FBXL3: variants seen among roughly 807,000 people sequenced by gnomAD.
FBXL3 encodes the protein F-box/LRR-repeat protein 3.
In FBXL3, 14 loss-of-function variants were observed where a neutral mutation model predicts 37.9. That is an observed-to-expected ratio of 0.37 (90% CI 0.24 to 0.58). FBXL3 has a LOEUF of 0.58. Among genes scored for constraint, FBXL3 ranks in the 20% least tolerant of loss-of-function variants. The pLI is 0.74. For synonymous variants in FBXL3, 194 were observed against 180.1 expected (o/e 1.08, Z -0.62); for missense variants, 327 against 511.1 (o/e 0.64, Z 3.47).
At chr13:77,019,407 G>C (rs1291172898) in intron 2 of FBXL3, among the ~76,000 whole-genome samples, 1 of 152,166 alleles carries the variant, frequency 6.6e-6, no homozygotes, top group African/African-American at 2.4e-5. Context: ...TGTTTCCTGG[G>C]AAGCACCTTA....
At chr13:77,026,723 G>GCC (rs1381622986) in intron 1 of FBXL3, 104 bp downstream of exon 1, 1 of 12,346 alleles carries the variant, frequency 8.1e-5, no homozygotes, top group South Asian at 2.5e-3. Flanking sequence ...CGGCCCCCGC[G>GCC]CCCCCCCCCA....
chr13:77,015,273 T>G (rs1215392510), intron 4 of FBXL3, 136 bp downstream of exon 4: 2 of 531,498 alleles, frequency 3.8e-6, no homozygotes, highest in South Asian at 5.2e-5. Context: ...TGCTATTCTA[T>G]TACTACATTA....
In FBXL3 at chr13:77,018,518, T is replaced by A. The variant is rs1042268387; in HGVS notation, c.471+82A>T. 4.3e-6 allele frequency: 5 copies of A among 1,165,958 alleles called. No individual in the cohort carries two copies. The Admixed American group carries it at 1.1e-4, about 27-fold the overall frequency. The allele number at this position is 1,165,958 out of a possible 1,614,324, so 72.2% of individuals were successfully genotyped here. ...TGTATATATATAACTTTCCTTATACTCACACTGTCAATACAAAAAAAAAAG... is the reference window on the plus strand; with the variant it reads ...TGTATATATATAACTTTCCTTATACACACACTGTCAATACAAAAAAAAAAG... On this transcript the variant is annotated intron_variant, in intron 3 of 4. Coordinates refer to ENST00000355619, the MANE Select transcript of FBXL3 (RefSeq NM_012158.4).
chr13:77,021,823 G>A lies in FBXL3; in HGVS notation c.38C>T (p.Ser13Leu). 1 of 1,613,124 alleles carries A rather than the reference G, an allele frequency of 6.2e-7. No homozygotes were observed. Among genetic ancestry groups the A allele is most frequent in the Non-Finnish European group, 8.5e-7 (1 of 1,179,848 alleles). ...RGGRDSDRNS[S>L]EEGTAEKSKK... ...GGATTTCTCTGCAGTTCCTTCTTCT[G>A]ATGAATTACGGTCACTATCTCTTCC... is the stretch of plus-strand genomic sequence containing the variant. The change falls in exon 2 of 5, where the codon TCA becomes TTA. Residue 13 changes from serine to leucine, a missense_variant. Transcript: ENST00000355619.
chr13:77,009,478 C>A (rs189040228), intron 4 of FBXL3: 1 of 152,326 alleles, frequency 6.6e-6, no homozygotes, highest in Non-Finnish European at 1.5e-5. Context: ...CAGGCACACG[C>A]CACCACGCCC....
At chr13:77,026,417 A>T (rs2034839422) in intron 1 of FBXL3, 5 of 967,080 alleles carry the variant, frequency 5.2e-6, no homozygotes, top group South Asian at 9.6e-5. Context: ...TCAGTGCCTC[A>T]TTGCTCAAGC....
chr13:77,024,395 C>G (rs1183281352), intron 1 of FBXL3, among the ~76,000 whole-genome samples: 1 of 152,134 alleles, frequency 6.6e-6, no homozygotes, highest in Admixed American at 6.5e-5. Context: ...AAAAGAATGA[C>G]AGTCTTTGCA....
intron 4 of FBXL3, chr13:77,010,026 TC>T (rs1290287320): frequency 6.6e-6 from 1 of 152,256 alleles, no homozygotes; most frequent in Non-Finnish European, 1.5e-5. Flanking sequence ...CACCGCATGT[TC>T]TCACTCATAA....
In FBXL3 at chr13:77,006,435, G is replaced by A. The variant is rs1424588123; in HGVS notation, c.*710C>T. ...ACATACATAATAACATATCACAAAA[G>A]AATGTATATGGTTTAGCAGATTACA... On this transcript the variant is annotated 3_prime_UTR_variant, in exon 5 of 5. Transcript: ENST00000355619. The A allele has an allele frequency of 1.3e-5, 2 of 152,040 alleles. No homozygotes were observed. Among genetic ancestry groups the A allele is most frequent in the Admixed American group, 6.5e-5 (1 of 15,268 alleles). The allele number at this position is 152,040 out of a possible 1,614,324, so 9.4% of individuals were successfully genotyped here.
Position 77,006,098 on chromosome 13 carries a change from A to AT in FBXL3, c.*1046dup, listed in dbSNP as rs2034447967. ...TGAACTTAAATATGTCCTCTTTAAA[A>AT]TTTGCTGTTTATGCTAGACTGTACA... is the stretch of plus-strand genomic sequence containing the variant. On this transcript the variant is annotated 3_prime_UTR_variant, in exon 5 of 5. Transcript: ENST00000355619. 6.6e-6 allele frequency: 1 copy of AT among 152,514 alleles called. No homozygotes were observed. Among genetic ancestry groups the AT allele is most frequent in the African/African-American group, 2.4e-5 (1 of 41,442 alleles). 9.4% of individuals were successfully genotyped at this position (152,514 alleles called of 1,614,324 possible). A position where few individuals can be genotyped will look rare whatever the true frequency, so the allele number is the denominator to read the frequency against.
chr13:77,021,641 C>T lies in FBXL3; in HGVS notation c.220G>A (p.Asp74Asn). The change falls in exon 2 of 5, where the codon GAC (aspartate) becomes AAC (asparagine). Residue 74 changes from aspartate (D) to asparagine (N), a missense_variant. Transcript: ENST00000355619. ...TCAAATTCAAAACATCTCCACAAGT[C>T]AGGCATGTGAAATACCTGGTTCCAG... The part of the protein sequence containing the change: ...RNWNQVFHMP[D>N]LWRCFEFELN... 6.2e-7 allele frequency: 1 copy of T among 1,614,116 alleles called. No individual in the cohort carries two copies. The highest frequency in any genetic ancestry group is 8.5e-7 in the Non-Finnish European group (1 of 1,180,024).
chr13:77,015,289 A>AT, intron 4 of FBXL3, 120 bp downstream of exon 4: 1 of 620,718 alleles, frequency 1.6e-6, no homozygotes, highest in Non-Finnish European at 2.5e-6. Flanking sequence ...CATTAAAAAT[A>AT]TTTTAAAGAG....
chr13:77,025,687 CAAAAAAAAAAAAA>C (rs35934318), intron 1 of FBXL3, among the ~76,000 whole-genome samples: 77 of 73,968 alleles, frequency 1.0e-3, no homozygotes, highest in Non-Finnish European at 1.6e-3. Context: ...GTCCTTGTCT[CAAAAAAAAAAAAA>C]AAAAAAAAAA....
At chr13:77,025,649 C>G (rs1490251994) in intron 1 of FBXL3, among the ~76,000 whole-genome samples, 3 of 135,656 alleles carry the variant, frequency 2.2e-5, no homozygotes, top group Non-Finnish European at 4.6e-5. Context: ...GATCGCGCCA[C>G]TGCACTCCAG....
chr13:77,014,759 G>A (rs150674698), intron 4 of FBXL3: 32 of 152,326 alleles, frequency 2.1e-4, no homozygotes, highest in African/African-American at 7.0e-4. Flanking sequence ...TTAAACAGCA[G>A]ACAGTAGTAT....
chr13:77,007,347 G>T lies in FBXL3; in HGVS notation c.1085C>A (p.Ser362Ter). 6.2e-7 allele frequency: 1 copy of T among 1,614,098 alleles called. No homozygotes were observed. Among genetic ancestry groups the T allele is most frequent in the Non-Finnish European group, 8.5e-7 (1 of 1,180,022 alleles). The change falls in exon 5 of 5, where the codon TCA becomes TAA. Residue 362 changes from serine (S) to a stop codon, truncating the protein, a stop_gained. Coordinates refer to ENST00000355619, the MANE Select transcript of FBXL3 (RefSeq NM_012158.4). LOFTEE classifies it high-confidence loss of function. The stretch of plus-strand genomic sequence containing the variant: ...TTCACATTCCCCTAGTCCAATAGCT[G>T]ACAAATTTTTGCAACGTTCTGCAAT... ...IRIAERCKNL[S>*]AIGLGECEVS...
rs2034856936 is a variant in FBXL3 at position 77,027,017 on chromosome 13, C to A, written c.-192G>T. The stretch of plus-strand genomic sequence containing the variant: ...GGGCGCCAACGCGGCTCCACCTTTG[C>A]GGCTCTGGCTGCCCAGAAAGAAGCT... On this transcript the variant is annotated 5_prime_UTR_variant, in exon 1 of 5. Transcript: ENST00000355619. 6.6e-6 allele frequency: 1 copy of A among 151,896 alleles called. No homozygotes were observed. The highest frequency in any genetic ancestry group is 2.4e-5 in the African/African-American group (1 of 41,390). 9.4% of individuals were successfully genotyped at this position (151,896 alleles called of 1,614,324 possible).
intron 2 of FBXL3, chr13:77,018,983 C>T (rs143336911): frequency 3.5e-6 from 1 of 288,970 alleles, no homozygotes; most frequent in East Asian, 5.9e-5. Context: ...AAGACAAGAC[C>T]TAGCTTTCAT....
chr13:77,023,066 G>A (rs558331366), intron 1 of FBXL3, among the ~76,000 whole-genome samples: 2 of 152,262 alleles, frequency 1.3e-5, no homozygotes, highest in South Asian at 4.1e-4. Context: ...CAGCATTAAC[G>A]ACATTAAAGT....
Sources: allele counts gnomAD v4.1 joint callset (sites outside exome capture counted in the v4.1 genomes callset), GRCh38; gene constraint gnomAD v4.1.1; transcripts MANE v1.5; gene names NCBI Gene and HGNC (gene_info 2026-07-23, HGNC 2026-07-21).